The following SRD5A2 variants were observed in gnomAD, a reference collection of about 807,000 sequenced individuals.
SRD5A2 encodes the protein 3-oxo-5-alpha-steroid 4-dehydrogenase 2.
SRD5A2 carries 30 observed loss-of-function variants against 27.4 expected under a neutral mutation model. That is an observed-to-expected ratio of 1.10 (90% confidence interval 0.82 to 1.49). The LOEUF is 1.49. SRD5A2 is among the 40% of genes most tolerant of loss of function. The probability of loss-of-function intolerance (pLI) is 0.00; values close to 1 mark genes in which losing one functional copy is unlikely to be tolerated. For missense variants in SRD5A2, 348 were observed against 323.4 expected, an observed-to-expected ratio of 1.08 and a Z score of -0.58; for synonymous variants, 141 against 133.6, an observed-to-expected ratio of 1.06 and a Z score of -0.38.
intron 1 of SRD5A2, among the ~76,000 whole-genome samples, chr2:31,566,237 G>C (rs1274128967): frequency 6.6e-6 from 1 of 152,010 alleles, no homozygotes; most frequent in Admixed American, 6.5e-5. Context: ...AGCAATAAAT[G>C]CTCATATTAG....
intron 1 of SRD5A2, among the ~76,000 whole-genome samples, chr2:31,552,308 C>T (rs1666396474): frequency 1.3e-5 from 2 of 151,394 alleles, no homozygotes; most frequent in Admixed American, 1.3e-4. Flanking sequence ...AAAGCCAGCA[C>T]AGATCAATGC....
At position 31,564,032 on chromosome 2, in the gene SRD5A2, C is replaced by T. The variant is rs537423020; in HGVS notation, c.281+16588G>A. 3.9e-5 allele frequency among the ~76,000 whole-genome samples: 6 copies of T among 152,128 alleles called. No homozygotes were observed. In the East Asian group the frequency reaches 7.7e-4, roughly 20 times the overall value. On this transcript the variant is annotated intron_variant, in intron 1 of 4. Coordinates refer to ENST00000622030, the MANE Select transcript of SRD5A2 (RefSeq NM_000348.4). ...CACCCAATGAGGTACAATTTTCTGACCCTCCAATCAAAGATTACCAGGCAT... is the reference window on the plus strand; with the variant it reads ...CACCCAATGAGGTACAATTTTCTGATCCTCCAATCAAAGATTACCAGGCAT...
the SRD5A2 span, among the ~76,000 whole-genome samples, chr2:31,655,163 A>G: frequency 2.0e-5 from 3 of 152,042 alleles, no homozygotes; most frequent in Non-Finnish European, 4.4e-5. Flanking sequence ...GTACAGTGGC[A>G]TGATCTCGAC....
intron 1 of SRD5A2, among the ~76,000 whole-genome samples, chr2:31,579,806 G>C (rs494302): frequency 6.6e-6 from 1 of 152,186 alleles, no homozygotes; most frequent in South Asian, 2.1e-4. Context: ...TCTGAACCCT[G>C]ACATCCCTTG....
At chr2:31,559,227 C>T (rs1055296249) in intron 1 of SRD5A2, among the ~76,000 whole-genome samples, 2 of 152,134 alleles carry the variant, frequency 1.3e-5, no homozygotes, top group Admixed American at 1.3e-4. Context: ...GACCTGCTGC[C>T]GAGTCCAGAA....
At chr2:31,608,262 T>A in the SRD5A2 span, among the ~76,000 whole-genome samples, 2 of 152,020 alleles carry the variant, frequency 1.3e-5, no homozygotes, top group African/African-American at 4.8e-5. Context: ...AAGATTTCTA[T>A]TTTTTATGTG....
chr2:31,589,321 C>A, the SRD5A2 span, among the ~76,000 whole-genome samples: 479 of 152,296 alleles, frequency 3.1e-3, 4 homozygotes, highest in African/African-American at 0.011. Context: ...TCATTCCCAG[C>A]TGTTGGGATA....
chr2:31,618,600 T>A, the SRD5A2 span, among the ~76,000 whole-genome samples: 1 of 152,074 alleles, frequency 6.6e-6, no homozygotes, highest in Non-Finnish European at 1.5e-5. Flanking sequence ...TACATGATCT[T>A]ACACATATGT....
intron 1 of SRD5A2, among the ~76,000 whole-genome samples, chr2:31,567,433 GGT>G (rs557711508): frequency 0.039 from 5,702 of 145,474 alleles, 245 homozygotes; most frequent in African/African-American, 0.11. Context: ...GGTGCAATTT[GGT>G]GTGTGTGTGT....
At chr2:31,617,318 G>C in the SRD5A2 span, among the ~76,000 whole-genome samples, 2 of 152,082 alleles carry the variant, frequency 1.3e-5, no homozygotes, top group Non-Finnish European at 2.9e-5. Flanking sequence ...TCCTGATGCA[G>C]CACACAGGAG....
At chr2:31,643,196 A>C in the SRD5A2 span, among the ~76,000 whole-genome samples, 1 of 152,150 alleles carries the variant, frequency 6.6e-6, no homozygotes, top group Non-Finnish European at 1.5e-5. Flanking sequence ...GAAATTGGCA[A>C]ATTTTAATAT....
At chr2:31,574,414 G>A (rs992980145) in intron 1 of SRD5A2, among the ~76,000 whole-genome samples, 2 of 152,072 alleles carry the variant, frequency 1.3e-5, no homozygotes, top group Admixed American at 6.6e-5. Flanking sequence ...AATTCCCATC[G>A]TAATTCTTTA....
chr2:31,600,263 T>A, the SRD5A2 span, among the ~76,000 whole-genome samples: 25 of 152,168 alleles, frequency 1.6e-4, no homozygotes, highest in East Asian at 4.6e-3. Flanking sequence ...TCCATGTTTT[T>A]TCTATTGTAA....
chr2:31,626,692 C>G, the SRD5A2 span, among the ~76,000 whole-genome samples: 1 of 152,134 alleles, frequency 6.6e-6, no homozygotes, highest in Non-Finnish European at 1.5e-5. Context: ...AGCCTTGCAT[C>G]CCAGGGATGA....
At chr2:31,614,084 G>C in the SRD5A2 span, among the ~76,000 whole-genome samples, 1 of 152,100 alleles carries the variant, frequency 6.6e-6, no homozygotes, top group Non-Finnish European at 1.5e-5. Flanking sequence ...AACTAATAAT[G>C]CCTTCCCAAC....
At chr2:31,588,223 C>G in the SRD5A2 span, among the ~76,000 whole-genome samples, 1 of 152,050 alleles carries the variant, frequency 6.6e-6, no homozygotes, top group Non-Finnish European at 1.5e-5. Flanking sequence ...TAACAGAAAA[C>G]TTCTCAAACC....
chr2:31,537,433 C>G (rs1666049060), intron 1 of SRD5A2, among the ~76,000 whole-genome samples: 2 of 152,128 alleles, frequency 1.3e-5, no homozygotes. Context: ...CATCACATTC[C>G]CAAACCCAAG....
intron 1 of SRD5A2, among the ~76,000 whole-genome samples, chr2:31,570,798 A>G (rs993572012): frequency 4.6e-5 from 7 of 152,196 alleles, no homozygotes; most frequent in African/African-American, 1.4e-4. Flanking sequence ...AGAATAAAAT[A>G]CCTAGGAATA....
At chr2:31,611,586 G>A in the SRD5A2 span, among the ~76,000 whole-genome samples, 1 of 152,280 alleles carries the variant, frequency 6.6e-6, no homozygotes, top group South Asian at 2.1e-4. Flanking sequence ...AATTAAGTAT[G>A]AAAAGTGCTC....
Sources: allele counts gnomAD v4.1 joint callset (sites outside exome capture counted in the v4.1 genomes callset), GRCh38; gene constraint gnomAD v4.1.1; transcripts MANE v1.5; gene names NCBI Gene and HGNC (gene_info 2026-07-23, HGNC 2026-07-21).